ZFAND4: variants seen among roughly 807,000 people sequenced by gnomAD.
ZFAND4 encodes the protein AN1-type zinc finger protein 4.
ZFAND4 carries 43 observed loss-of-function variants against 64.4 expected under a neutral mutation model. That is an observed-to-expected ratio of 0.67 (90% CI 0.52 to 0.86). The LOEUF (loss-of-function observed/expected upper bound fraction) is 0.86, where lower values mean the gene tolerates loss of function less well. Among genes scored for constraint, ZFAND4 ranks in the 40% least tolerant of loss-of-function variants. The pLI is 0.00. For missense variants in ZFAND4, 929 were observed against 859.8 expected (o/e 1.08, Z -1.01); for synonymous variants, 296 against 305.7 (o/e 0.97, Z 0.33).
Position 45,648,500 on chromosome 10 carries a change from C to T in ZFAND4, c.363G>A (p.Glu121=). The change falls in exon 5 of 10, where the codon GAG becomes GAA. Residue 121 remains glutamate, a synonymous_variant. Coordinates refer to ENST00000344646, the MANE Select transcript of ZFAND4 (RefSeq NM_174890.4). The stretch of plus-strand genomic sequence containing the variant: ...CCTCAACTCGACTGGAATCCAAGTA[C>T]TCTGCCATCTTCCTAAGTGGATCGT... ...PTDDPLRKMA[E]YLDSSRVEVW... The T allele has an allele frequency of 3.1e-6, 5 of 1,613,222 alleles. No individual in the cohort carries two copies. Among genetic ancestry groups the T allele is most frequent in the Non-Finnish European group, 4.2e-6 (5 of 1,179,616 alleles).
intron 2 of ZFAND4, among the ~76,000 whole-genome samples, chr10:45,654,708 C>A (rs990745454): frequency 1.3e-5 from 2 of 151,524 alleles, no homozygotes; most frequent in African/African-American, 2.4e-5. Context: ...AGTAGCTATT[C>A]TTATATCAGA....
At chr10:45,625,433 C>T (rs1564555119) in intron 7 of ZFAND4, among the ~76,000 whole-genome samples, 1 of 138,836 alleles carries the variant, frequency 7.2e-6, no homozygotes, top group Non-Finnish European at 1.5e-5. Context: ...GAGATAGCGC[C>T]ATTGCACTCC....
chr10:45,648,853 C>T (rs551379031), intron 4 of ZFAND4: 1 of 790,036 alleles, frequency 1.3e-6, no homozygotes, highest in Non-Finnish European at 1.5e-6. Context: ...TGTGTATTTG[C>T]TGATTCTATG....
chr10:45,642,167 T>G (rs1272139147), intron 5 of ZFAND4, among the ~76,000 whole-genome samples: 1 of 152,232 alleles, frequency 6.6e-6, no homozygotes, highest in Non-Finnish European at 1.5e-5. Flanking sequence ...CCTTAAATAC[T>G]TCTGAGTTAC....
chr10:45,640,099 G>C, intron 5 of ZFAND4, 136 bp from the exon 6 acceptor site: 1 of 1,283,576 alleles, frequency 7.8e-7, no homozygotes. Context: ...TTAATGTCAG[G>C]AAAATATATT....
chr10:45,616,415 C>G lies in ZFAND4; in HGVS notation c.*21G>C. The G allele has an allele frequency of 6.2e-7, 1 of 1,612,990 alleles. No homozygotes were observed. Among genetic ancestry groups the G allele is most frequent in the Non-Finnish European group, 8.5e-7 (1 of 1,179,598 alleles). On this transcript the variant is annotated 3_prime_UTR_variant, in exon 10 of 10. Transcript: ENST00000344646. ...ATTATAATACGAATCCCGGGCAGAA[C>G]AGTAAGATGTAGAGGAAGAGTTAGA...
At chr10:45,622,650 A>G (rs952451428) in intron 8 of ZFAND4, among the ~76,000 whole-genome samples, 1 of 152,210 alleles carries the variant, frequency 6.6e-6, no homozygotes, top group East Asian at 1.9e-4. Flanking sequence ...TCACTTCCTG[A>G]AAGTCAGGGT....
At chr10:45,642,002 A>G (rs1306491321) in intron 5 of ZFAND4, among the ~76,000 whole-genome samples, 2 of 152,194 alleles carry the variant, frequency 1.3e-5, no homozygotes. Flanking sequence ...CACCCAGATG[A>G]GTGCCAGAAC....
intron 3 of ZFAND4, 52 bp downstream of exon 3, chr10:45,652,932 G>A (rs899723806): frequency 1.5e-6 from 2 of 1,336,352 alleles, no homozygotes; most frequent in Middle Eastern, 1.8e-4. Context: ...ATTAGCATAT[G>A]GAGTCATAAT....
chr10:45,645,120 T>C (rs2047289348), intron 5 of ZFAND4, among the ~76,000 whole-genome samples: 1 of 152,032 alleles, frequency 6.6e-6, no homozygotes, highest in Non-Finnish European at 1.5e-5. Flanking sequence ...TAGCTGGGAC[T>C]ACAGGTGTGC....
intron 2 of ZFAND4, among the ~76,000 whole-genome samples, chr10:45,657,777 A>G (rs1480262713): frequency 2.0e-5 from 3 of 152,246 alleles, no homozygotes; most frequent in Non-Finnish European, 4.4e-5. Context: ...ACTGATACAT[A>G]TAACAATATG....
chr10:45,650,254 T>C (rs2047672982), intron 4 of ZFAND4: 1 of 151,618 alleles, frequency 6.6e-6, no homozygotes, highest in East Asian at 1.9e-4. Context: ...TCTCCCAGGT[T>C]CAAGCAATTC....
intron 4 of ZFAND4, 59 bp from the exon 5 acceptor site, chr10:45,648,593 A>G (rs1231871497): frequency 6.5e-7 from 1 of 1,536,490 alleles, no homozygotes; most frequent in Admixed American, 2.0e-5. Context: ...GCATCTTGGT[A>G]CAGTGACAGG....
intron 6 of ZFAND4, among the ~76,000 whole-genome samples, chr10:45,629,024 A>T (rs991231110): frequency 6.6e-6 from 1 of 152,152 alleles, no homozygotes; most frequent in African/African-American, 2.4e-5. Context: ...AATAGATCTA[A>T]GATATGGGAT....
rs144741811 is a variant in ZFAND4 at position 45,626,181 on chromosome 10, C to T, written c.1642G>A (p.Asp548Asn). The change falls in exon 7 of 10, where the codon GAT becomes AAT. Residue 548 changes from aspartate (D) to asparagine (N), a missense_variant. By Grantham distance (23) the Asp-to-Asn change is conservative. Coordinates refer to ENST00000344646, the MANE Select transcript of ZFAND4 (RefSeq NM_174890.4). Reference sequence around the variant, plus strand: ...GCCTTGTTAGTCATTTCTGTGATATCCCGAGCCTCAACTTTGGAAATAACA... The same window carrying T: ...GCCTTGTTAGTCATTTCTGTGATATTCCGAGCCTCAACTTTGGAAATAACA... The part of the protein sequence containing the change: ...SDVISKVEAR[D>N]ITEMTNKASK... 25 of 1,613,998 alleles carry T rather than the reference C, an allele frequency of 1.5e-5. No individual in the cohort carries two copies. The highest frequency in any genetic ancestry group is 1.1e-4 in the African/African-American group (8 of 74,898).
rs1018963884 is a variant in ZFAND4 at position 45,646,748 on chromosome 10, A to T, written c.569+1546T>A. ...GTTTCCTTTAGGAAAAGGGAGCCAA[A>T]AGAGTGTGTACTAGAGAAGAAAACT... is the stretch of plus-strand genomic sequence containing the variant. On this transcript the variant is annotated intron_variant, in intron 5 of 9. Transcript: ENST00000344646. 1.3e-5 allele frequency among the ~76,000 whole-genome samples: 2 copies of T among 152,326 alleles called. 1 individual carries two copies. The highest frequency in any genetic ancestry group is 6.8e-3 in the Middle Eastern group (2 of 294).
In ZFAND4 at chr10:45,646,894, C is replaced by T. The variant is rs540435480; in HGVS notation, c.569+1400G>A. On this transcript the variant is annotated intron_variant, in intron 5 of 9. Coordinates refer to ENST00000344646, the MANE Select transcript of ZFAND4 (RefSeq NM_174890.4). ...CAGGGTTTATGCCAAGTTTGAAGTGCTAACCAGATGCTGACATGTTAAAGT... is the reference window on the plus strand; with the variant it reads ...CAGGGTTTATGCCAAGTTTGAAGTGTTAACCAGATGCTGACATGTTAAAGT... Among the ~76,000 whole-genome samples, 4 of 152,212 alleles carry T rather than the reference C, an allele frequency of 2.6e-5. No individual in the cohort carries two copies. In the South Asian group the frequency reaches 8.3e-4, roughly 31 times the overall value.
At chr10:45,641,835 A>T (rs1234646071) in intron 5 of ZFAND4, among the ~76,000 whole-genome samples, 7 of 152,220 alleles carry the variant, frequency 4.6e-5, no homozygotes, top group Admixed American at 4.6e-4. Flanking sequence ...ACTGCAGGTG[A>T]GAGAGGTTAA....
chr10:45,622,011 G>A (rs2045464574), intron 8 of ZFAND4, among the ~76,000 whole-genome samples: 1 of 152,176 alleles, frequency 6.6e-6, no homozygotes, highest in African/African-American at 2.4e-5. Context: ...TGAGTGAGTA[G>A]GGATGGGTGC....
Sources: gnomAD v4.1 joint callset for allele counts (sites outside exome capture counted in the v4.1 genomes callset) on GRCh38, gnomAD v4.1.1 for gene constraint, MANE v1.5 for transcripts, NCBI Gene and HGNC (gene_info 2026-07-23, HGNC 2026-07-21) for gene names.